The following USP39 variants were observed in gnomAD, a reference collection of about 807,000 sequenced individuals.
USP39 encodes the protein ubiquitin specific peptidase 39.
USP39 carries 38 observed loss-of-function variants against 66.4 expected under a neutral mutation model. That is an observed-to-expected ratio of 0.57 (90% CI 0.44 to 0.75). The LOEUF is 0.75. USP39 is among the 30% of genes least tolerant of loss of function. The probability of loss-of-function intolerance (pLI) is 0.00; values close to 1 mark genes in which losing one functional copy is unlikely to be tolerated. For missense variants in USP39, 608 were observed against 714.4 expected, an observed-to-expected ratio of 0.85 and a Z score of 1.70; for synonymous variants, 303 against 274.6, an observed-to-expected ratio of 1.10 and a Z score of -1.02.
At chr2:85,641,310 G>A (rs1299487078) in intron 10 of USP39, among the ~76,000 whole-genome samples, 192 bp downstream of exon 10, 2 of 152,178 alleles carry the variant, frequency 1.3e-5, no homozygotes, top group African/African-American at 4.8e-5. Flanking sequence ...TGTTTATTGG[G>A]ATGCAATCCC....
At position 85,637,347 on chromosome 2, in the gene USP39, C is replaced by G. The variant is rs139780371; in HGVS notation, c.1028-22C>G. On this transcript the variant is annotated intron_variant, in intron 7 of 12. Coordinates refer to ENST00000323701, the MANE Select transcript of USP39 (RefSeq NM_006590.4). ...TGTTTTCCATCCTCACGGAATTTGT[C>G]TCTTGCTTCCTGTTTGTGCAGCTAT... 1,401 of 1,613,936 alleles carry G rather than the reference C, an allele frequency of 8.7e-4. 9 individuals carry two copies. The Middle Eastern group carries it at 0.014, about 16-fold the overall frequency.
intron 1 of USP39, among the ~76,000 whole-genome samples, chr2:85,606,375 G>C (rs905403414): frequency 3.3e-5 from 5 of 152,230 alleles, no homozygotes; most frequent in African/African-American, 1.2e-4. Flanking sequence ...AGAAGTAGAT[G>C]TCTGGAGGCA....
At chr2:85,630,673 G>A (rs1352771914) in intron 5 of USP39, 48 bp from the exon 6 acceptor site, 1 of 1,561,912 alleles carries the variant, frequency 6.4e-7, no homozygotes, top group East Asian at 2.2e-5. Flanking sequence ...CTTGGCTCAA[G>A]GGGTCCTACA....
upstream of USP39, among the ~76,000 whole-genome samples, chr2:85,615,664 C>A (rs1673869450): frequency 1.3e-5 from 2 of 152,158 alleles, no homozygotes; most frequent in African/African-American, 4.8e-5. Context: ...CGGAGTTTCG[C>A]TCGTTGCCCA....
chr2:85,638,335 T>C (rs1428682613), intron 8 of USP39, among the ~76,000 whole-genome samples: 1 of 151,538 alleles, frequency 6.6e-6, no homozygotes, highest in Non-Finnish European at 1.5e-5. Flanking sequence ...TTTCTTTTTT[T>C]AATGGATTTT....
chr2:85,630,571 G>A (rs1675241501), intron 5 of USP39, 150 bp from the exon 6 acceptor site: 2 of 675,270 alleles, frequency 3.0e-6, no homozygotes, highest in South Asian at 3.9e-5. Flanking sequence ...GTGAGCCTGG[G>A]TAGGATTCTC....
chr2:85,628,356 A>G (rs1451374581), intron 5 of USP39, among the ~76,000 whole-genome samples: 1 of 152,110 alleles, frequency 6.6e-6, no homozygotes, highest in Non-Finnish European at 1.5e-5. Context: ...TGTGTTAGCC[A>G]GGATGGTCTC....
At chr2:85,625,131 A>G (rs540030674) in intron 4 of USP39, among the ~76,000 whole-genome samples, 1 of 152,246 alleles carries the variant, frequency 6.6e-6, no homozygotes, top group South Asian at 2.1e-4. Flanking sequence ...CCAGGGACTC[A>G]TGGAGATCCT....
chr2:85,635,571 T>C (rs1467095997), intron 6 of USP39, among the ~76,000 whole-genome samples: 1 of 151,684 alleles, frequency 6.6e-6, no homozygotes, highest in Non-Finnish European at 1.5e-5. Flanking sequence ...AAAAAAAAAG[T>C]AGCCACTATC....
At chr2:85,608,997 GC>G (rs1673328881), upstream of USP39, 1 of 1,614,106 alleles carries the variant, frequency 6.2e-7, no homozygotes. Context: ...CAACTTGAGG[GC>G]TTCTCGCATG....
At chr2:85,609,628 T>G (rs534790364), upstream of USP39, 2 of 1,611,386 alleles carry the variant, frequency 1.2e-6, no homozygotes, top group Non-Finnish European at 1.7e-6. Flanking sequence ...GGGGGGGTGC[T>G]GCTGAAGGCC....
At chr2:85,619,551 T>G (rs1455401456) in intron 2 of USP39, among the ~76,000 whole-genome samples, 1 of 149,698 alleles carries the variant, frequency 6.7e-6, no homozygotes, top group Non-Finnish European at 1.5e-5. Flanking sequence ...TTGAAATGTT[T>G]ATGGAGTATC....
intron 5 of USP39, among the ~76,000 whole-genome samples, chr2:85,626,485 G>A (rs1454238305): frequency 6.6e-6 from 1 of 152,208 alleles, no homozygotes; most frequent in Non-Finnish European, 1.5e-5. Flanking sequence ...TGCTCACTGG[G>A]CTGCTGTCAA....
chr2:85,621,919 A>C (rs1418285123), intron 3 of USP39, among the ~76,000 whole-genome samples: 2 of 152,014 alleles, frequency 1.3e-5, no homozygotes, highest in Non-Finnish European at 2.9e-5. Flanking sequence ...TCCTGGGTTC[A>C]AGCAATTGTC....
intron 8 of USP39, among the ~76,000 whole-genome samples, chr2:85,638,838 AT>A (rs199596765): frequency 2.0e-3 from 269 of 132,154 alleles, no homozygotes; most frequent in Middle Eastern, 5.3e-3. Context: ...TGCCCGGCCA[AT>A]TTTTTTTTTT....
chr2:85,643,625 C>T (rs1456733139), intron 10 of USP39, among the ~76,000 whole-genome samples: 2 of 150,784 alleles, frequency 1.3e-5, no homozygotes, highest in African/African-American at 4.9e-5. Context: ...CTAGAGCTCA[C>T]ATGGACTCAG....
intron 9 of USP39, 27 bp downstream of exon 9, chr2:85,639,418 C>T (rs769577052): frequency 6.4e-7 from 1 of 1,569,522 alleles, no homozygotes. Context: ...CCTGCCCTGC[C>T]TATACTTACC....
chr2:85,616,729 G>C (rs1295108601), intron 1 of USP39, among the ~76,000 whole-genome samples: 2 of 146,334 alleles, frequency 1.4e-5, no homozygotes, highest in African/African-American at 5.0e-5. Flanking sequence ...CCAGGATGGA[G>C]TGCAGTGGCG....
chr2:85,618,917 C>T (rs1227145089), intron 1 of USP39, among the ~76,000 whole-genome samples: 2 of 151,946 alleles, frequency 1.3e-5, no homozygotes, highest in African/African-American at 4.8e-5. Context: ...TTACAGGCAC[C>T]CACCACCATG....
Sources: allele counts gnomAD v4.1 joint callset (sites outside exome capture counted in the v4.1 genomes callset), GRCh38; gene constraint gnomAD v4.1.1; transcripts MANE v1.5; gene names NCBI Gene and HGNC (gene_info 2026-07-23, HGNC 2026-07-21).